GRIK3: variants seen among roughly 807,000 people sequenced by gnomAD.
The protein encoded by GRIK3 is glutamate ionotropic receptor kainate type subunit 3, also known as glutamate receptor ionotropic, kainate 3.
Under a neutral mutation model 102.5 loss-of-function variants are expected in GRIK3, and 29 were observed. The observed-to-expected ratio is 0.28, with a 90% CI of 0.21 to 0.39. The LOEUF is 0.39. Among genes scored for constraint, GRIK3 ranks in the 10% least tolerant of loss-of-function variants. The pLI is 1.00. For missense variants in GRIK3, 908 were observed against 1,252.4 expected, an observed-to-expected ratio of 0.73 and a Z score of 4.15; for synonymous variants, 511 against 504.9, an observed-to-expected ratio of 1.01 and a Z score of -0.16.
intron 1 of GRIK3, among the ~76,000 whole-genome samples, chr1:36,986,341 A>G (rs1279894150): frequency 1.3e-5 from 2 of 150,014 alleles, no homozygotes; most frequent in African/African-American, 5.0e-5. Context: ...CTGTCCGCCC[A>G]TCCATCCATC....
chr1:36,992,327 T>G (rs1043494375), intron 1 of GRIK3, among the ~76,000 whole-genome samples: 3 of 148,090 alleles, frequency 2.0e-5, no homozygotes, highest in South Asian at 2.2e-4. Context: ...GAGAGGGAGG[T>G]GTGGGTGGGA....
At chr1:36,837,749 C>A (rs1219394137) in intron 10 of GRIK3, among the ~76,000 whole-genome samples, 1 of 152,202 alleles carries the variant, frequency 6.6e-6, no homozygotes, top group African/African-American at 2.4e-5. Flanking sequence ...AGGCTCTCCA[C>A]TCTTGGGGTT....
chr1:36,904,065 G>A (rs1163702320), intron 1 of GRIK3, among the ~76,000 whole-genome samples: 1 of 152,138 alleles, frequency 6.6e-6, no homozygotes, highest in African/African-American at 2.4e-5. Context: ...GCATGTGTGT[G>A]GGCAGGGGGT....
chr1:36,881,465 C>A (rs1014681753), intron 2 of GRIK3, among the ~76,000 whole-genome samples: 1 of 152,154 alleles, frequency 6.6e-6, no homozygotes, highest in Non-Finnish European at 1.5e-5. Flanking sequence ...TCCCTGGACC[C>A]ATATGCCAAA....
At chr1:36,977,465 C>A (rs1642206840) in intron 1 of GRIK3, among the ~76,000 whole-genome samples, 1 of 152,238 alleles carries the variant, frequency 6.6e-6, no homozygotes, top group African/African-American at 2.4e-5. Context: ...GTAAAAACAG[C>A]AGCTTGAGCT....
At chr1:36,941,200 T>C (rs954789879) in intron 1 of GRIK3, among the ~76,000 whole-genome samples, 28 of 152,202 alleles carry the variant, frequency 1.8e-4, no homozygotes, top group African/African-American at 6.3e-4. Context: ...TGACCAAAAA[T>C]CCAGGCAGCC....
At chr1:37,021,127 TGAGA>T (rs5773568) in intron 1 of GRIK3, among the ~76,000 whole-genome samples, 444 of 145,264 alleles carry the variant, frequency 3.1e-3, no homozygotes, top group Middle Eastern at 0.011. Context: ...TGTGTGTCTG[TGAGA>T]GAGAGAGAGA....
At chr1:36,950,489 A>G (rs906795753) in intron 1 of GRIK3, among the ~76,000 whole-genome samples, 22 of 152,254 alleles carry the variant, frequency 1.4e-4, no homozygotes, top group Admixed American at 1.1e-3. Flanking sequence ...GTTGTGGCCA[A>G]TGTTTAAGCC....
Position 36,801,767 on chromosome 1 carries a change from T to C in GRIK3, c.*84A>G. 8.2e-7 allele frequency: 1 copy of C among 1,215,916 alleles called. No homozygotes were observed. The highest frequency in any genetic ancestry group is 1.6e-5 in the South Asian group (1 of 64,250). 75.3% of individuals were successfully genotyped at this position (1,215,916 alleles called of 1,614,324 possible). ...TGGCAGCTCTGGTCCCCAAGCCCAGTGCGGGGACAGGGGACGTTCCTTCCA... is the reference window on the plus strand; with the variant it reads ...TGGCAGCTCTGGTCCCCAAGCCCAGCGCGGGGACAGGGGACGTTCCTTCCA... On this transcript the variant is annotated 3_prime_UTR_variant, in exon 16 of 16. Coordinates refer to ENST00000373091, the MANE Select transcript of GRIK3 (RefSeq NM_000831.4).
intron 1 of GRIK3, among the ~76,000 whole-genome samples, chr1:36,960,415 T>C (rs978687934): frequency 1.3e-5 from 2 of 152,238 alleles, no homozygotes; most frequent in African/African-American, 4.8e-5. Flanking sequence ...TTTAACGCAG[T>C]ACTTGGCACC....
At position 36,798,322 on chromosome 1, in the gene GRIK3, A is replaced by T. The variant is rs1408918298; in HGVS notation, c.*3529T>A. On this transcript the variant is annotated 3_prime_UTR_variant, in exon 16 of 16. Coordinates refer to ENST00000373091, the MANE Select transcript of GRIK3 (RefSeq NM_000831.4). ...TTGCATTTGGGGATGCAGTGGGGAC[A>T]TTCTTCTGTTCAGGGCTGGCATGTG... The T allele has an allele frequency of 1.3e-5, 2 of 152,306 alleles. No individual in the cohort carries two copies. Among genetic ancestry groups the T allele is most frequent in the African/African-American group, 4.8e-5 (2 of 41,448 alleles). The allele number at this position is 152,306 out of a possible 1,614,324, so 9.4% of individuals were successfully genotyped here.
intron 1 of GRIK3, among the ~76,000 whole-genome samples, chr1:36,895,998 A>G (rs538890079): frequency 5.3e-5 from 8 of 152,324 alleles, no homozygotes; most frequent in Non-Finnish European, 8.8e-5. Flanking sequence ...GAGAGAAAAT[A>G]AAAACCAACC....
intron 1 of GRIK3, among the ~76,000 whole-genome samples, chr1:37,020,505 C>T (rs537932036): frequency 2.0e-5 from 3 of 152,216 alleles, no homozygotes; most frequent in Admixed American, 6.5e-5. Context: ...GCTGACAAGC[C>T]GAACCAAGAT....
intron 13 of GRIK3, among the ~76,000 whole-genome samples, chr1:36,816,203 G>A (rs1413731693): frequency 6.6e-6 from 1 of 152,160 alleles, no homozygotes; most frequent in East Asian, 1.9e-4. Flanking sequence ...TAGCTGCTCT[G>A]GGACTCAGTT....
chr1:36,804,942 A>G, intron 15 of GRIK3, 45 bp downstream of exon 15: 1 of 1,603,868 alleles, frequency 6.2e-7, no homozygotes, highest in Middle Eastern at 1.7e-4. Flanking sequence ...ATCAGCGCGA[A>G]TCTCCATTTC....
intron 13 of GRIK3, among the ~76,000 whole-genome samples, chr1:36,813,655 C>A (rs1182994794): frequency 6.6e-6 from 1 of 152,058 alleles, no homozygotes; most frequent in African/African-American, 2.4e-5. Flanking sequence ...AAGGCTATCA[C>A]CTGGCCCGGG....
chr1:36,856,302 G>A (rs1229302999), intron 7 of GRIK3, among the ~76,000 whole-genome samples: 1 of 152,226 alleles, frequency 6.6e-6, no homozygotes, highest in African/African-American at 2.4e-5. Flanking sequence ...TAAAATGCCA[G>A]CAGGTGCACG....
chr1:36,853,782 A>T (rs1640615923), intron 7 of GRIK3, 60 bp from the exon 8 acceptor site: 2 of 903,420 alleles, frequency 2.2e-6, no homozygotes, highest in African/African-American at 1.6e-5. Context: ...CATTCGGTAC[A>T]ACTGTACAAT....
chr1:36,926,187 C>T (rs954064738), intron 1 of GRIK3, among the ~76,000 whole-genome samples: 9 of 152,134 alleles, frequency 5.9e-5, no homozygotes, highest in African/African-American at 2.2e-4. Context: ...ACCCTTTGCC[C>T]CCTGCCCTAA....
Sources: gnomAD v4.1 joint callset for allele counts (sites outside exome capture counted in the v4.1 genomes callset) on GRCh38, gnomAD v4.1.1 for gene constraint, MANE v1.5 for transcripts, NCBI Gene and HGNC (gene_info 2026-07-23, HGNC 2026-07-21) for gene names.